Variants in LZTFL1 observed in about 807,000 individuals in gnomAD.
The protein encoded by LZTFL1 is leucine zipper transcription factor-like protein 1.
Under a neutral mutation model 45.9 loss-of-function variants are expected in LZTFL1, and 25 were observed. The observed-to-expected ratio is 0.54, with a 90% confidence interval of 0.40 to 0.76. LZTFL1 has a LOEUF of 0.76. Ranked by LOEUF, LZTFL1 falls within the 30% of genes least tolerant of loss-of-function variation. The pLI is 0.00. For missense variants in LZTFL1, 277 were observed against 331.1 expected, an observed-to-expected ratio of 0.84 and a Z score of 1.27; for synonymous variants, 93 against 117.4, an observed-to-expected ratio of 0.79 and a Z score of 1.35.
chr3:45,868,838 C>A (rs1447148769), intron 2 of LZTFL1, among the ~76,000 whole-genome samples: 1 of 152,186 alleles, frequency 6.6e-6, no homozygotes, highest in Admixed American at 6.5e-5. Flanking sequence ...CAGGCCTTCT[C>A]CCCACACCTC....
At chr3:45,834,133 C>G (rs1700904816) in intron 4 of LZTFL1, 105 bp downstream of exon 4, 1 of 619,156 alleles carries the variant, frequency 1.6e-6, no homozygotes. Flanking sequence ...GAATTGAATG[C>G]TTTTCCTTAA....
chr3:45,897,596 G>A lies in LZTFL1; in HGVS notation c.-215+15524C>T, dbSNP rs79663567. 9.8e-4 allele frequency: 1,511 copies of A among 1,535,564 alleles called. 15 individuals are homozygous for A. The African/African-American group carries it at 0.016, about 16-fold the overall frequency. ...GCCCCGCTCCAGATCACCTTCCCTC[G>A]CTGGCCCAGGAATCCATCTCCTTCC... is the stretch of plus-strand genomic sequence containing the variant. On this transcript the variant is annotated intron_variant, in intron 2 of 4. Transcript: ENST00000472635.
Position 45,824,697 on chromosome 3 carries a change from C to T in LZTFL1, c.*1617G>A. The T allele has an allele frequency of 2.5e-6, 1 of 396,908 alleles. No homozygotes were observed. Among genetic ancestry groups the T allele is most frequent in the Non-Finnish European group, 4.4e-6 (1 of 225,094 alleles). 24.6% of individuals were successfully genotyped at this position (396,908 alleles called of 1,614,324 possible). Reference sequence around the variant, plus strand: ...AAATAATTGAATGGTTTCTGAAGGCCACACTAGCCCTTTAGCCAAGAGTTC... The same window carrying T: ...AAATAATTGAATGGTTTCTGAAGGCTACACTAGCCCTTTAGCCAAGAGTTC... On this transcript the variant is annotated 3_prime_UTR_variant, in exon 10 of 10. Coordinates refer to ENST00000296135, the MANE Select transcript of LZTFL1 (RefSeq NM_020347.4).
At chr3:45,830,041 G>A (rs891456575) in intron 7 of LZTFL1, among the ~76,000 whole-genome samples, 1 of 152,168 alleles carries the variant, frequency 6.6e-6, no homozygotes, top group East Asian at 1.9e-4. Context: ...AACCAGACTG[G>A]CCATGCATTG....
At chr3:45,896,872 T>A (rs903739917) in intron 2 of LZTFL1, among the ~76,000 whole-genome samples, 1 of 152,240 alleles carries the variant, frequency 6.6e-6, no homozygotes. Context: ...GTCCCTGCCC[T>A]TTCTCTGTCC....
intron 2 of LZTFL1, chr3:45,897,707 G>A (rs1021401242): frequency 3.3e-5 from 36 of 1,085,224 alleles, no homozygotes; most frequent in Middle Eastern, 2.0e-4. Flanking sequence ...AACCAAAGTC[G>A]TCCCTTGTGC....
At chr3:45,870,448 T>G (rs979937700) in intron 2 of LZTFL1, among the ~76,000 whole-genome samples, 1 of 152,188 alleles carries the variant, frequency 6.6e-6, no homozygotes, top group Non-Finnish European at 1.5e-5. Context: ...TCAGGGTGAG[T>G]TATGGTGTCT....
chr3:45,884,046 G>A, intron 2 of LZTFL1: 1 of 196,012 alleles, frequency 5.1e-6, no homozygotes. Flanking sequence ...GACAACTGGG[G>A]CTCGCAGGAA....
rs148560000 is a variant in LZTFL1 at position 45,828,591 on chromosome 3, T to A, written c.625A>T (p.Ser209Cys). 7.4e-6 allele frequency: 12 copies of A among 1,613,798 alleles called. No individual in the cohort carries two copies. In the African/African-American group the frequency reaches 1.2e-4, roughly 16 times the overall value. ...QKDFIKAQDLSNLENTVAALK... is the reference protein window; with the variant it reads ...QKDFIKAQDLCNLENTVAALK... ...GCAGCGACAGTGTTTTCTAAGTTACTTAAGTCTTGGGCCTTTATAAAATCC... is the reference window on the plus strand; with the variant it reads ...GCAGCGACAGTGTTTTCTAAGTTACATAAGTCTTGGGCCTTTATAAAATCC... The change falls in exon 8 of 10, where the codon AGT (serine) becomes TGT (cysteine). Residue 209 changes from serine to cysteine, a missense_variant. Physicochemically the swap from Ser to Cys is moderately radical, Grantham distance 112. Transcript: ENST00000296135.
rs1702575588 is a variant in LZTFL1, at chr3:45,901,975, G to C, written c.-215+11145C>G. On this transcript the variant is annotated intron_variant, in intron 2 of 4. Coordinates refer to the LZTFL1 transcript ENST00000472635. This position sits in a 1 kb window ranked among gnomAD's most constrained non-coding sequence, Gnocchi z 4.3. ...AACAGTTTCCCCACTGATGGGACCAGAGAGAGTGAAAGAGAAAAGAAAACT... is the reference window on the plus strand; with the variant it reads ...AACAGTTTCCCCACTGATGGGACCACAGAGAGTGAAAGAGAAAAGAAAACT... 1 of 1,211,594 alleles carries C rather than the reference G, an allele frequency of 8.3e-7. No individual in the cohort carries two copies. Among genetic ancestry groups the C allele is most frequent in the Non-Finnish European group, 1.2e-6 (1 of 863,360 alleles). The allele number at this position is 1,211,594 out of a possible 1,614,324, so 75.1% of individuals were successfully genotyped here. A position where few individuals can be genotyped will look rare whatever the true frequency, so the allele number is the denominator to read the frequency against.
intron 2 of LZTFL1, among the ~76,000 whole-genome samples, chr3:45,908,758 T>C (rs891643744): frequency 1.3e-5 from 2 of 152,236 alleles, no homozygotes; most frequent in Non-Finnish European, 2.9e-5. Flanking sequence ...CCACTCATGT[T>C]CTTTTCTTTT....
rs966768344 is a variant in LZTFL1, at chr3:45,825,565, C to T, written c.*749G>A. 2 of 152,100 alleles carry T rather than the reference C, an allele frequency of 1.3e-5. No homozygotes were observed. The highest frequency in any genetic ancestry group is 2.1e-4 in the South Asian group (1 of 4,830). 9.4% of individuals were successfully genotyped at this position (152,100 alleles called of 1,614,324 possible). On this transcript the variant is annotated 3_prime_UTR_variant, in exon 10 of 10. Coordinates refer to ENST00000296135, the MANE Select transcript of LZTFL1 (RefSeq NM_020347.4). ...ATTCTGGAAACAAGTATAAATATTA[C>T]ATTTATTCTGAGTCCAGATACTTTC...
chr3:45,883,975 C>A, intron 2 of LZTFL1: 1 of 330,546 alleles, frequency 3.0e-6, no homozygotes, highest in South Asian at 5.1e-5. Context: ...GAATGTGCTG[C>A]ACTCCACGCC....
chr3:45,831,590 A>C (rs1700819929), intron 5 of LZTFL1, among the ~76,000 whole-genome samples: 1 of 152,188 alleles, frequency 6.6e-6, no homozygotes, highest in South Asian at 2.1e-4. Context: ...TTTTGTTCTT[A>C]TACAGCTCAA....
At chr3:45,847,449 C>G (rs950365978) in intron 4 of LZTFL1, among the ~76,000 whole-genome samples, 1 of 152,192 alleles carries the variant, frequency 6.6e-6, no homozygotes, top group Non-Finnish European at 1.5e-5. Flanking sequence ...GACCCCCGAT[C>G]TAGAGGCTGA....
chr3:45,900,511 G>A lies in LZTFL1; in HGVS notation c.-215+12609C>T, dbSNP rs993716060. Among the ~76,000 whole-genome samples the A allele has an allele frequency of 3.3e-5, 5 of 152,144 alleles. No homozygotes were observed. The highest frequency in any genetic ancestry group is 4.8e-5 in the African/African-American group (2 of 41,430). On this transcript the variant is annotated intron_variant, in intron 2 of 4. Transcript: ENST00000472635. The surrounding 1 kb of genome is among the most constrained non-coding windows in gnomAD (Gnocchi z 4.7). The stretch of plus-strand genomic sequence containing the variant: ...ATGCACACTATAAATGTTCATTTGC[G>A]TGTCTGGTTGCTCTATGGGTAGGTA...
chr3:45,848,113 AC>A (rs1190622644), intron 4 of LZTFL1, among the ~76,000 whole-genome samples: 1 of 152,162 alleles, frequency 6.6e-6, no homozygotes, highest in Non-Finnish European at 1.5e-5. Flanking sequence ...ATATGACTTC[AC>A]TTTTTCTCAA....
At chr3:45,896,883 A>G (rs1357148506) in intron 2 of LZTFL1, among the ~76,000 whole-genome samples, 1 of 152,154 alleles carries the variant, frequency 6.6e-6, no homozygotes, top group East Asian at 1.9e-4. Flanking sequence ...TTCTCTGTCC[A>G]TTCCCCAGAG....
chr3:45,838,380 A>T (rs1285166448), intron 1 of LZTFL1, among the ~76,000 whole-genome samples: 1 of 152,148 alleles, frequency 6.6e-6, no homozygotes, highest in Non-Finnish European at 1.5e-5. Context: ...AGACAACATC[A>T]ATGCCCTAGA....
Sources: gnomAD v4.1 joint callset for allele counts (sites outside exome capture counted in the v4.1 genomes callset) on GRCh38, gnomAD v4.1.1 for gene constraint, Gnocchi (gnomAD v3.1) non-coding constraint, MANE v1.5 for transcripts, NCBI Gene and HGNC (gene_info 2026-07-23, HGNC 2026-07-21) for gene names.